TIMELESS: variants seen among roughly 807,000 people sequenced by gnomAD.
The protein encoded by TIMELESS is protein timeless homolog.
In TIMELESS, 124 loss-of-function variants were observed where a neutral mutation model predicts 164.3. The ratio of observed to expected loss-of-function variants is 0.75; its 90% CI spans 0.65 to 0.88. The LOEUF (loss-of-function observed/expected upper bound fraction) is 0.88, where lower values mean the gene tolerates loss of function less well. Among genes scored for constraint, TIMELESS ranks in the 40% least tolerant of loss-of-function variants. The pLI is 0.00. For missense variants in TIMELESS, 1,422 were observed against 1,491.4 expected, an observed-to-expected ratio of 0.95 and a Z score of 0.77; for synonymous variants, 564 against 563.4, an observed-to-expected ratio of 1.00 and a Z score of -0.02.
chr12:56,420,048 A>ATATATGTGTGTGTG (rs1473074484), intron 26 of TIMELESS, among the ~76,000 whole-genome samples: 8 of 87,326 alleles, frequency 9.2e-5, no homozygotes, highest in East Asian at 5.6e-4. Flanking sequence ...ATATATATAT[A>ATATATGTGTGTGTG]TGTGTGTGTG....
At chr12:56,446,336 A>G (rs1868349181) in intron 1 of TIMELESS, among the ~76,000 whole-genome samples, 1 of 152,226 alleles carries the variant, frequency 6.6e-6, no homozygotes, top group Non-Finnish European at 1.5e-5. Context: ...GATAGGAGAA[A>G]TATTTGTCTT....
At chr12:56,445,179 AC>A (rs1301765495) in intron 1 of TIMELESS, among the ~76,000 whole-genome samples, 1 of 151,758 alleles carries the variant, frequency 6.6e-6, no homozygotes, top group East Asian at 1.9e-4. Context: ...TAATCCCAGC[AC>A]TTTGGGAGGC....
At position 56,433,673 on chromosome 12, in the gene TIMELESS, G is replaced by A. The variant is rs116499203; in HGVS notation, c.252-21C>T. On this transcript the variant is annotated intron_variant, in intron 3 of 28. Transcript: ENST00000553532. ...TCAGTCTGGGAGACAATGAAGGAGG[G>A]AGAAGTTGTTAAGTTTCTTTACCAG... The A allele has an allele frequency of 1.4e-3, 2,324 of 1,613,890 alleles. 22 individuals are homozygous for A. The African/African-American group carries it at 0.028, about 19-fold the overall frequency.
In TIMELESS at chr12:56,422,181, G is replaced by T; in HGVS notation, c.2449C>A (p.Arg817Ser). The T allele has an allele frequency of 6.2e-7, 1 of 1,613,930 alleles. No homozygotes were observed. Among genetic ancestry groups the T allele is most frequent in the South Asian group, 1.1e-5 (1 of 91,000 alleles). ...TCGGGGCTCCATGTAGGTGCTCTGCGACTGGAAGACCTGAATGGTGAAAGG... is the reference window on the plus strand; with the variant it reads ...TCGGGGCTCCATGTAGGTGCTCTGCTACTGGAAGACCTGAATGGTGAAAGG... ...YGSLDDRSSS[R>S]RAPTWSPEEE... The change falls in exon 20 of 29, where the codon CGC (arginine) becomes AGC (serine). Residue 817 changes from arginine (R) to serine (S), a missense_variant. Transcript: ENST00000553532.
At chr12:56,427,030 C>G (rs182335255) in intron 13 of TIMELESS, among the ~76,000 whole-genome samples, 1 of 152,168 alleles carries the variant, frequency 6.6e-6, no homozygotes, top group African/African-American at 2.4e-5. Context: ...AATCACAGCT[C>G]ACTGCATCCT....
chr12:56,422,045 A>C (rs767335386), intron 20 of TIMELESS, 29 bp from the exon 21 acceptor site: 3 of 1,613,966 alleles, frequency 1.9e-6, no homozygotes, highest in East Asian at 4.5e-5. Flanking sequence ...AAGGCAGTAA[A>C]GAAGGTCCCA....
At chr12:56,445,599 G>A (rs1275592420) in intron 1 of TIMELESS, among the ~76,000 whole-genome samples, 4 of 151,836 alleles carry the variant, frequency 2.6e-5, no homozygotes, top group Admixed American at 2.6e-4. Flanking sequence ...TTAGCTGGGT[G>A]TAGTGGTGCA....
intron 1 of TIMELESS, among the ~76,000 whole-genome samples, chr12:56,447,176 A>AT (rs1284810969): frequency 3.6e-4 from 32 of 88,754 alleles, no homozygotes; most frequent in African/African-American, 1.4e-3. Flanking sequence ...TACCCAGCTA[A>AT]TTTTTGTTTT....
chr12:56,428,773 C>T, intron 11 of TIMELESS, 110 bp downstream of exon 11: 1 of 1,479,650 alleles, frequency 6.8e-7, no homozygotes, highest in Non-Finnish European at 9.3e-7. Flanking sequence ...CCAGCCAGTC[C>T]TTGCTCCCCA....
At position 56,447,191 on chromosome 12, in the gene TIMELESS, T is replaced by TG. The variant is rs1186656053; in HGVS notation, c.-62+2118_-62+2119insC. 2.6e-3 allele frequency among the ~76,000 whole-genome samples: 375 copies of TG among 143,980 alleles called. 3 individuals carry two copies. The highest frequency in any genetic ancestry group is 9.3e-3 in the African/African-American group (363 of 38,968). The allele number at this position is 143,980 out of a possible 152,430, so 94.5% of individuals were successfully genotyped here. ...TACCCAGCTAATTTTTGTTTTTTTTTTTTTTTTTTTTTTTTTTTAGTAGAG... is the reference window on the plus strand; with the variant it reads ...TACCCAGCTAATTTTTGTTTTTTTTTGTTTTTTTTTTTTTTTTTTAGTAGAG... On this transcript the variant is annotated intron_variant, in intron 1 of 28. Coordinates refer to ENST00000553532, the MANE Select transcript of TIMELESS (RefSeq NM_003920.5).
chr12:56,438,263 A>T (rs34644700), intron 1 of TIMELESS, among the ~76,000 whole-genome samples: 85,501 of 151,760 alleles, frequency 0.56, 25,037 homozygotes, highest in African/African-American at 0.68. Context: ...CAGGCTGGTC[A>T]CAAACTCCCG....
intron 1 of TIMELESS, among the ~76,000 whole-genome samples, chr12:56,445,112 C>G (rs769022869): frequency 9.2e-5 from 14 of 151,954 alleles, no homozygotes; most frequent in African/African-American, 3.4e-4. Context: ...GTGAAGAAGG[C>G]TAAGAGTTTC....
intron 15 of TIMELESS, 46 bp downstream of exon 15, chr12:56,424,715 TC>T: frequency 1.3e-6 from 2 of 1,598,196 alleles, no homozygotes; most frequent in Non-Finnish European, 1.7e-6. Flanking sequence ...AGTGATGGCC[TC>T]CTCCTTCCCC....
intron 1 of TIMELESS, among the ~76,000 whole-genome samples, chr12:56,436,169 C>T (rs1016692229): frequency 1.3e-5 from 2 of 151,954 alleles, no homozygotes; most frequent in African/African-American, 4.8e-5. Flanking sequence ...TTTAAGAAGT[C>T]TTGGCTGGGC....
chr12:56,439,987 G>C (rs1304276462), intron 1 of TIMELESS, among the ~76,000 whole-genome samples: 1 of 152,156 alleles, frequency 6.6e-6, no homozygotes, highest in Non-Finnish European at 1.5e-5. Flanking sequence ...TAAAAGGGAT[G>C]TTAGTTACTT....
chr12:56,440,476 C>A (rs748276497), intron 1 of TIMELESS, among the ~76,000 whole-genome samples: 91 of 152,090 alleles, frequency 6.0e-4, no homozygotes, highest in Non-Finnish European at 1.9e-4. Flanking sequence ...AAACACTCTA[C>A]CTGCCCCAAA....
chr12:56,437,586 A>T (rs960240159), intron 1 of TIMELESS, among the ~76,000 whole-genome samples: 4 of 152,168 alleles, frequency 2.6e-5, no homozygotes, highest in Non-Finnish European at 4.4e-5. Context: ...ATGAGTAAGA[A>T]CATGAGAGCA....
intron 23 of TIMELESS, 108 bp from the exon 24 acceptor site, chr12:56,421,242 A>C: frequency 6.3e-7 from 1 of 1,584,274 alleles, no homozygotes; most frequent in Non-Finnish European, 8.6e-7. Flanking sequence ...CTCTCTCGGA[A>C]GGACCTGGTC....
intron 19 of TIMELESS, 74 bp from the exon 20 acceptor site, chr12:56,422,265 C>A: frequency 7.3e-7 from 1 of 1,379,154 alleles, no homozygotes; most frequent in South Asian, 1.2e-5. Flanking sequence ...CTTCTCTGAT[C>A]AGTTCTGAAA....
Sources: gnomAD v4.1 joint callset for allele counts (sites outside exome capture counted in the v4.1 genomes callset) on GRCh38, gnomAD v4.1.1 for gene constraint, MANE v1.5 for transcripts, NCBI Gene and HGNC (gene_info 2026-07-23, HGNC 2026-07-21) for gene names.